PCDHA4: variants seen among roughly 807,000 people sequenced by gnomAD.
The protein encoded by PCDHA4 is protocadherin alpha-4.
PCDHA4 carries 49 observed loss-of-function variants against 61.4 expected under a neutral mutation model. The observed-to-expected ratio is 0.80, with a 90% CI of 0.63 to 1.01. PCDHA4 has a LOEUF of 1.01. Among genes scored for constraint, PCDHA4 ranks in the 50% least tolerant of loss-of-function variants. The pLI, the probability that PCDHA4 is intolerant of heterozygous loss-of-function variation, is 0.00. For missense variants in PCDHA4, 1,254 were observed against 1,235.8 expected (o/e 1.01, Z -0.22); for synonymous variants, 590 against 550.3 (o/e 1.07, Z -1.01).
chr5:140,876,511 G>A lies in PCDHA4; in HGVS notation c.2385+66939G>A, dbSNP rs559810221. 2.4e-4 allele frequency: 380 copies of A among 1,614,076 alleles called. 4 individuals carry two copies. The South Asian group carries it at 3.9e-3, about 16-fold the overall frequency. ...GGAAGTTCTGGACGTGAATGACAATGTCCCTGAAGTAATGGTTACTTCACT... is the reference window on the plus strand; with the variant it reads ...GGAAGTTCTGGACGTGAATGACAATATCCCTGAAGTAATGGTTACTTCACT... On this transcript the variant is annotated intron_variant, in intron 1 of 3. Coordinates refer to ENST00000530339, the MANE Select transcript of PCDHA4 (RefSeq NM_018907.4).
At chr5:140,883,957 G>T (rs879988838) in intron 1 of PCDHA4, 1 of 1,613,246 alleles carries the variant, frequency 6.2e-7, no homozygotes, top group Non-Finnish European at 8.5e-7. Context: ...ACAACGCTCC[G>T]GCGCTGCTGA....
intron 1 of PCDHA4, chr5:140,836,466 G>T: frequency 6.2e-7 from 1 of 1,613,862 alleles, no homozygotes; most frequent in Non-Finnish European, 8.5e-7. Flanking sequence ...CGAGCTGGTG[G>T]ATGTCAACGT....
chr5:140,877,260 G>A (rs1329010026), intron 1 of PCDHA4: 3 of 1,613,766 alleles, frequency 1.9e-6, no homozygotes, highest in African/African-American at 2.7e-5. Context: ...AAGTGCGCGC[G>A]GTGGACGCTG....
chr5:140,830,145 G>A (rs1406638033), intron 1 of PCDHA4: 3 of 1,613,062 alleles, frequency 1.9e-6, no homozygotes, highest in Non-Finnish European at 2.5e-6. Flanking sequence ...GCGTCGGTGG[G>A]CGCCGCGGGC....
At chr5:140,821,554 A>G in intron 1 of PCDHA4, 1 of 509,150 alleles carries the variant, frequency 2.0e-6, no homozygotes, top group Non-Finnish European at 3.4e-6. Context: ...CATCCACATG[A>G]TGTCGCTGGA....
chr5:141,009,771 T>A lies in PCDHA4; in HGVS notation c.2678T>A (p.Ile893Asn). The change falls in exon 4 of 4, where the codon ATC (isoleucine) becomes AAC (asparagine). Residue 893 changes from isoleucine (I) to asparagine (N), a missense_variant. Transcript: ENST00000530339. The part of the protein sequence containing the change: ...DKFIIPGSPA[I>N]ISIRQEPTNS... ...TTCATTATCCCAGGATCTCCTGCAA[T>A]CATCTCCATCCGGCAGGAGCCTACT... 3 of 1,614,082 alleles carry A rather than the reference T, an allele frequency of 1.9e-6. No homozygotes were observed. Among genetic ancestry groups the A allele is most frequent in the Non-Finnish European group, 2.5e-6 (3 of 1,180,020 alleles).
At chr5:140,949,231 C>G (rs971361200) in intron 1 of PCDHA4, among the ~76,000 whole-genome samples, 11 of 151,628 alleles carry the variant, frequency 7.3e-5, no homozygotes, top group African/African-American at 2.4e-4. Flanking sequence ...TGTTCTGTGG[C>G]CCAGCAACAG....
intron 2 of PCDHA4, chr5:140,982,217 C>T (rs1257918481): frequency 3.9e-6 from 2 of 507,664 alleles, no homozygotes; most frequent in Non-Finnish European, 6.2e-6. Context: ...CGCCACATGG[C>T]GTTAATAAAA....
At chr5:140,989,437 A>G (rs1330784508) in intron 3 of PCDHA4, among the ~76,000 whole-genome samples, 1 of 152,138 alleles carries the variant, frequency 6.6e-6, no homozygotes, top group East Asian at 1.9e-4. Flanking sequence ...AAAATTGCTG[A>G]GGTTGTTTAG....
intron 1 of PCDHA4, among the ~76,000 whole-genome samples, chr5:140,931,298 AAG>A (rs2087432571): frequency 6.6e-6 from 1 of 152,144 alleles, no homozygotes; most frequent in African/African-American, 2.4e-5. Context: ...CTGTAACAAA[AAG>A]AGAGGAGAAT....
At chr5:140,854,131 C>T in intron 1 of PCDHA4, 1 of 404,286 alleles carries the variant, frequency 2.5e-6, no homozygotes, top group Non-Finnish European at 3.3e-6. Flanking sequence ...AACTGCATTT[C>T]AGCCCGGGTG....
chr5:140,850,292 C>G lies in PCDHA4; in HGVS notation c.2385+40720C>G, dbSNP rs2150478092. The stretch of plus-strand genomic sequence containing the variant: ...TGGGGAAGGTGCGCGCAGTGGACGC[C>G]GACTCGGGCTACAACGCGTGGCTTT... On this transcript the variant is annotated intron_variant, in intron 1 of 3. Transcript: ENST00000530339. 30 of 1,595,922 alleles carry G rather than the reference C, an allele frequency of 1.9e-5. 3 individuals are homozygous for G. The highest frequency in any genetic ancestry group is 6.7e-5 in the East Asian group (3 of 44,830).
At chr5:140,880,009 T>C (rs2058206618) in intron 1 of PCDHA4, among the ~76,000 whole-genome samples, 1 of 152,232 alleles carries the variant, frequency 6.6e-6, no homozygotes, top group African/African-American at 2.4e-5. Context: ...TTATTCACCA[T>C]ATAAAGTAAA....
chr5:140,937,916 A>T (rs903757303), intron 1 of PCDHA4, among the ~76,000 whole-genome samples: 37 of 152,106 alleles, frequency 2.4e-4, no homozygotes, highest in Non-Finnish European at 1.8e-4. Flanking sequence ...CGTCTCAAAA[A>T]AAAAAAAAAA....
chr5:140,945,850 T>G (rs1472612975), intron 1 of PCDHA4, among the ~76,000 whole-genome samples: 1 of 152,102 alleles, frequency 6.6e-6, no homozygotes, highest in Non-Finnish European at 1.5e-5. Context: ...ATTAAAGACT[T>G]AAACATAGAC....
At chr5:140,825,167 A>G (rs2150138506) in intron 1 of PCDHA4, 1 of 151,640 alleles carries the variant, frequency 6.6e-6, no homozygotes, top group East Asian at 1.9e-4. Flanking sequence ...TGCTTTTTTC[A>G]TTTACTAATG....
chr5:140,827,548 A>AT lies in PCDHA4; in HGVS notation c.2385+17982dup, dbSNP rs2150148168. Among the ~76,000 whole-genome samples, 146 of 152,260 alleles carry AT rather than the reference A, an allele frequency of 9.6e-4. 1 individual carries two copies. Among genetic ancestry groups the AT allele is most frequent in the African/African-American group, 3.4e-3 (141 of 41,546 alleles). On this transcript the variant is annotated intron_variant, in intron 1 of 3. Transcript: ENST00000530339. ...CCAAAATTTGATAATTTTAAGTTAC[A>AT]TTTTTTCCCTAGAGCACTATATAAT...
chr5:140,908,730 C>G (rs1367655223), intron 1 of PCDHA4, among the ~76,000 whole-genome samples: 4 of 152,124 alleles, frequency 2.6e-5, no homozygotes, highest in Non-Finnish European at 4.4e-5. Context: ...TCATATGGCT[C>G]GAGAAACAGA....
chr5:140,864,689 C>A (rs970922865), intron 1 of PCDHA4: 4 of 152,202 alleles, frequency 2.6e-5, no homozygotes, highest in African/African-American at 7.2e-5. Context: ...TGCTGTCCTC[C>A]AGTTTAAGTT....
Sources: gnomAD v4.1 joint callset for allele counts (sites outside exome capture counted in the v4.1 genomes callset) on GRCh38, gnomAD v4.1.1 for gene constraint, MANE v1.5 for transcripts, NCBI Gene and HGNC (gene_info 2026-07-23, HGNC 2026-07-21) for gene names.